The following PARP11 variants were observed in gnomAD, a reference collection of about 807,000 sequenced individuals.
PARP11 encodes the protein poly(ADP-ribose) polymerase family member 11.
In PARP11, 31 loss-of-function variants were observed where a neutral mutation model predicts 42.9. The observed-to-expected ratio is 0.72, with a 90% CI of 0.54 to 0.98. The LOEUF is 0.98. PARP11 is among the 50% of genes least tolerant of loss of function. The pLI, the probability that PARP11 is intolerant of heterozygous loss-of-function variation, is 0.00. For synonymous variants in PARP11, 137 were observed against 127.3 expected (o/e 1.08, Z -0.51); for missense variants, 365 against 413.1 (o/e 0.88, Z 1.01).
chr12:3,841,284 T>A, intron 1 of PARP11: 1 of 1,317,396 alleles, frequency 7.6e-7, no homozygotes, highest in South Asian at 1.2e-5. Context: ...TCTTCTTCAA[T>A]CTTGGTGTGA....
intron 1 of PARP11, among the ~76,000 whole-genome samples, chr12:3,862,771 A>G (rs1177948530): frequency 6.6e-6 from 1 of 151,922 alleles, no homozygotes; most frequent in African/African-American, 2.4e-5. Context: ...ATTCTATTCC[A>G]TTCCATTAAT....
intron 1 of PARP11, among the ~76,000 whole-genome samples, chr12:3,832,903 T>C (rs946219897): frequency 2.6e-5 from 4 of 152,174 alleles, no homozygotes; most frequent in Admixed American, 2.6e-4. Context: ...TTTGTAAAGT[T>C]TCAAGGGCAA....
rs923572413 is a variant in PARP11 at position 3,842,053 on chromosome 12, G to T, written c.19-12035C>A. ...CATCCCTCCTGTAGCAGAGGGAAAGGCTCACCCTCCCACTCAGATTCTAAA... is the reference window on the plus strand; with the variant it reads ...CATCCCTCCTGTAGCAGAGGGAAAGTCTCACCCTCCCACTCAGATTCTAAA... On this transcript the variant is annotated intron_variant, in intron 1 of 7. Coordinates refer to ENST00000228820, the MANE Select transcript of PARP11 (RefSeq NM_020367.6). 4.4e-6 allele frequency: 7 copies of T among 1,608,604 alleles called. No individual in the cohort carries two copies. The African/African-American group carries it at 9.4e-5, about 22-fold the overall frequency.
intron 1 of PARP11, among the ~76,000 whole-genome samples, chr12:3,862,127 T>C (rs1240268935): frequency 6.6e-6 from 1 of 152,004 alleles, no homozygotes; most frequent in African/African-American, 2.4e-5. Flanking sequence ...AATTTTAAGA[T>C]TTGAAAAAGA....
intron 1 of PARP11, among the ~76,000 whole-genome samples, chr12:3,850,559 A>C (rs1948079358): frequency 6.6e-6 from 1 of 152,200 alleles, no homozygotes; most frequent in African/African-American, 2.4e-5. Flanking sequence ...AAGGGTAATA[A>C]AATGGTATAT....
At chr12:3,847,441 T>C (rs2138086778) in intron 1 of PARP11, among the ~76,000 whole-genome samples, 1 of 151,774 alleles carries the variant, frequency 6.6e-6, no homozygotes, top group Non-Finnish European at 1.5e-5. Context: ...GAAAACTGAA[T>C]TCAACAACAC....
In PARP11 at chr12:3,811,962, C is replaced by G. The variant is rs1372069940; in HGVS notation, c.*161G>C. The G allele has an allele frequency of 3.6e-6, 2 of 551,422 alleles. No homozygotes were observed. The highest frequency in any genetic ancestry group is 6.2e-6 in the Non-Finnish European group (2 of 320,968). 34.2% of individuals were successfully genotyped at this position (551,422 alleles called of 1,614,324 possible). A position where few individuals can be genotyped will look rare whatever the true frequency, so the allele number is the denominator to read the frequency against. On this transcript the variant is annotated 3_prime_UTR_variant, in exon 8 of 8. Transcript: ENST00000228820. Reference sequence around the variant, plus strand: ...CAGGCAAAAACAAAACAACAAAAACCAACCTTGAAGTCAGTATGTCTTTTT... The same window carrying G: ...CAGGCAAAAACAAAACAACAAAAACGAACCTTGAAGTCAGTATGTCTTTTT...
At position 3,861,851 on chromosome 12, in the gene PARP11, C is replaced by T. The variant is rs532459999; in HGVS notation, c.18+11361G>A. Among the ~76,000 whole-genome samples, 3 of 151,698 alleles carry T rather than the reference C, an allele frequency of 2.0e-5. No homozygotes were observed. The highest frequency in any genetic ancestry group is 4.8e-5 in the African/African-American group (2 of 41,360). On this transcript the variant is annotated intron_variant, in intron 1 of 7. Transcript: ENST00000228820. The surrounding 1 kb of genome is among the most constrained non-coding windows in gnomAD (Gnocchi z 4.6). ...CATCCTGGCTAACACGGTGAAACCC[C>T]GTCTCTACCAAAAATACAAAAAAAT...
intron 1 of PARP11, among the ~76,000 whole-genome samples, chr12:3,853,714 T>C (rs1948141118): frequency 6.6e-6 from 1 of 152,146 alleles, no homozygotes; most frequent in Non-Finnish European, 1.5e-5. Context: ...CTGTCAATAT[T>C]AGATAGATCA....
At chr12:3,817,147 C>T (rs988032268) in intron 6 of PARP11, among the ~76,000 whole-genome samples, 13 of 151,782 alleles carry the variant, frequency 8.6e-5, no homozygotes, top group South Asian at 8.3e-4. Context: ...GCTGAGATCG[C>T]GCCACTGCAC....
At chr12:3,817,364 T>C (rs546924998) in intron 6 of PARP11, among the ~76,000 whole-genome samples, 118 of 152,086 alleles carry the variant, frequency 7.8e-4, no homozygotes, top group African/African-American at 2.7e-3. Context: ...GATTAGATGG[T>C]GCATATATAC....
intron 3 of PARP11, among the ~76,000 whole-genome samples, chr12:3,828,483 G>A (rs1389235574): frequency 6.6e-6 from 1 of 150,748 alleles, no homozygotes; most frequent in African/African-American, 2.4e-5. Context: ...GGGAGGCGGA[G>A]GCTGCAGTGA....
intron 1 of PARP11, among the ~76,000 whole-genome samples, chr12:3,851,521 C>T (rs985167857): frequency 3.3e-5 from 5 of 152,344 alleles, no homozygotes; most frequent in Admixed American, 2.0e-4. Flanking sequence ...CGCAGCAGTC[C>T]GAGATCAAAC....
intron 1 of PARP11, among the ~76,000 whole-genome samples, chr12:3,865,891 T>C (rs1187121888): frequency 6.7e-6 from 1 of 148,676 alleles, no homozygotes; most frequent in Non-Finnish European, 1.5e-5. Context: ...GTTATTTGCT[T>C]TTTTTTTTTT....
At chr12:3,835,253 G>C (rs1391365757) in intron 1 of PARP11, among the ~76,000 whole-genome samples, 1 of 152,188 alleles carries the variant, frequency 6.6e-6, no homozygotes, top group African/African-American at 2.4e-5. Context: ...CATAGTCTAT[G>C]CCAATCCAGA....
chr12:3,826,119 A>G (rs762158620), intron 4 of PARP11, 39 bp downstream of exon 4: 7 of 1,288,758 alleles, frequency 5.4e-6, no homozygotes, highest in East Asian at 4.8e-5. Flanking sequence ...GTAAGAAAAA[A>G]AAAACCCACT....
In PARP11 at chr12:3,841,674, G is replaced by C; in HGVS notation, c.19-11656C>G. ...ATTATGAAGAGTCACTGAGTGGCAA[G>C]AATATGTTCCCCCAGCCATCTTTTG... On this transcript the variant is annotated intron_variant, in intron 1 of 7. Coordinates refer to ENST00000228820, the MANE Select transcript of PARP11 (RefSeq NM_020367.6). 9.9e-6 allele frequency: 16 copies of C among 1,613,524 alleles called. No individual in the cohort carries two copies. The South Asian group carries it at 1.6e-4, about 17-fold the overall frequency.
At chr12:3,871,474 A>G (rs563315250) in intron 1 of PARP11, among the ~76,000 whole-genome samples, 7 of 152,330 alleles carry the variant, frequency 4.6e-5, no homozygotes, top group African/African-American at 1.7e-4. Context: ...TTCTAGGTTA[A>G]GAGCAATAGG....
At position 3,828,173 on chromosome 12, in the gene PARP11, G is replaced by A. The variant is rs1279691100; in HGVS notation, c.268+737C>T. ...TTTCTGACAAAGACATCGAGAGAAA[G>A]ATCACTCAGCTAAAAGTTGTTCTTG... On this transcript the variant is annotated intron_variant, in intron 3 of 7. Transcript: ENST00000228820. 2.0e-5 allele frequency among the ~76,000 whole-genome samples: 3 copies of A among 152,186 alleles called. No homozygotes were observed. In the East Asian group the frequency reaches 5.8e-4, roughly 29 times the overall value.
Sources: gnomAD v4.1 joint callset for allele counts (sites outside exome capture counted in the v4.1 genomes callset) on GRCh38, gnomAD v4.1.1 for gene constraint, Gnocchi (gnomAD v3.1) non-coding constraint, MANE v1.5 for transcripts, NCBI Gene and HGNC (gene_info 2026-07-23, HGNC 2026-07-21) for gene names.